LUZP2: variants seen among roughly 807,000 people sequenced by gnomAD.
LUZP2 encodes the protein leucine zipper protein 2.
LUZP2 carries 52 observed loss-of-function variants against 51.6 expected under a neutral mutation model. The ratio of observed to expected loss-of-function variants is 1.01; its 90% confidence interval spans 0.81 to 1.27. The LOEUF (loss-of-function observed/expected upper bound fraction) is 1.27. Ranked by LOEUF, LUZP2 falls within the 50% of genes most tolerant of loss-of-function variation. LUZP2 has a pLI of 0.00. For synonymous variants in LUZP2, 154 were observed against 137.3 expected (o/e 1.12, Z -0.85); for missense variants, 436 against 395.4 (o/e 1.10, Z -0.87).
chr11:24,864,405 C>A (rs1851826575), intron 5 of LUZP2, among the ~76,000 whole-genome samples: 1 of 152,042 alleles, frequency 6.6e-6, no homozygotes, highest in Admixed American at 6.6e-5. Context: ...ATAATTGTGG[C>A]AAAACATTCA....
At chr11:24,799,521 G>A (rs1437737320) in intron 5 of LUZP2, among the ~76,000 whole-genome samples, 2 of 151,802 alleles carry the variant, frequency 1.3e-5, no homozygotes, top group African/African-American at 4.8e-5. Flanking sequence ...AACTTGGGAG[G>A]TGGAGGTTGT....
intron 9 of LUZP2, among the ~76,000 whole-genome samples, chr11:25,010,846 A>AAAT (rs948460006): frequency 6.6e-5 from 10 of 151,920 alleles, no homozygotes; most frequent in African/African-American, 9.7e-5. Flanking sequence ...GATACCATCC[A>AAAT]AATAATAATA....
intron 1 of LUZP2, among the ~76,000 whole-genome samples, chr11:24,581,181 A>G (rs1001568129): frequency 1.6e-4 from 24 of 148,174 alleles, no homozygotes; most frequent in African/African-American, 6.1e-4. Context: ...CCTTGGATGT[A>G]TACCCTTTCA....
intron 5 of LUZP2, among the ~76,000 whole-genome samples, chr11:24,876,686 G>C (rs1487102305): frequency 1.3e-5 from 2 of 152,034 alleles, no homozygotes; most frequent in Non-Finnish European, 1.5e-5. Flanking sequence ...AATTACCTTG[G>C]GCAGTATGGC....
chr11:24,647,526 A>T (rs2133956256), intron 1 of LUZP2, among the ~76,000 whole-genome samples: 1 of 152,090 alleles, frequency 6.6e-6, no homozygotes, highest in African/African-American at 2.4e-5. Context: ...CATGAGAAAT[A>T]GTCTGTTCAA....
intron 5 of LUZP2, among the ~76,000 whole-genome samples, chr11:24,809,006 C>T (rs1849939251): frequency 1.3e-5 from 2 of 152,068 alleles, no homozygotes; most frequent in South Asian, 4.2e-4. Context: ...TAGGTGAAGT[C>T]AGTTCATTTG....
At chr11:24,790,232 G>A (rs1019301628) in intron 5 of LUZP2, among the ~76,000 whole-genome samples, 12 of 151,942 alleles carry the variant, frequency 7.9e-5, no homozygotes, top group African/African-American at 2.9e-4. Context: ...TTGAAATACA[G>A]TATATTTTTA....
chr11:24,913,359 C>T (rs1853696951), intron 6 of LUZP2, among the ~76,000 whole-genome samples: 1 of 152,092 alleles, frequency 6.6e-6, no homozygotes, highest in Non-Finnish European at 1.5e-5. Context: ...ATTCCTTTTT[C>T]ATTGCTCAGC....
At chr11:24,577,994 T>C (rs1852714609) in intron 1 of LUZP2, among the ~76,000 whole-genome samples, 3 of 152,130 alleles carry the variant, frequency 2.0e-5, no homozygotes, top group Admixed American at 1.3e-4. Flanking sequence ...CTGTACTTCT[T>C]TGTTTCTAAG....
chr11:24,874,257 C>T (rs1431105359), intron 5 of LUZP2, among the ~76,000 whole-genome samples: 1 of 152,020 alleles, frequency 6.6e-6, no homozygotes, highest in Non-Finnish European at 1.5e-5. Flanking sequence ...GAAGGTGATT[C>T]GAGGGCCCCT....
At chr11:24,853,910 A>T (rs1291012899) in intron 5 of LUZP2, among the ~76,000 whole-genome samples, 2 of 152,140 alleles carry the variant, frequency 1.3e-5, no homozygotes, top group Non-Finnish European at 2.9e-5. Context: ...TGCTGGAGGC[A>T]CGCTCCAGAG....
At chr11:24,881,214 T>A (rs186339271) in intron 5 of LUZP2, among the ~76,000 whole-genome samples, 1 of 152,266 alleles carries the variant, frequency 6.6e-6, no homozygotes, top group Non-Finnish European at 1.5e-5. Context: ...TGAAATTATG[T>A]TATTTTTAAC....
chr11:24,940,237 G>T (rs1027043369), intron 7 of LUZP2, among the ~76,000 whole-genome samples: 3 of 152,070 alleles, frequency 2.0e-5, no homozygotes, highest in African/African-American at 7.2e-5. Context: ...GCTGCTTAAT[G>T]GAGTGTAAAA....
chr11:24,773,733 C>A (rs1045046962), intron 5 of LUZP2, among the ~76,000 whole-genome samples: 3 of 152,100 alleles, frequency 2.0e-5, no homozygotes, highest in Non-Finnish European at 2.9e-5. Flanking sequence ...AAAATCTCCA[C>A]CTAGGAGTAT....
chr11:24,574,216 CTT>C, intron 1 of LUZP2, among the ~76,000 whole-genome samples: 2 of 81,930 alleles, frequency 2.4e-5, no homozygotes, highest in South Asian at 5.2e-4. Flanking sequence ...TCCTTCCTTT[CTT>C]TCTTTCTTTC....
At chr11:24,775,604 C>T (rs772441445) in intron 5 of LUZP2, among the ~76,000 whole-genome samples, 3 of 152,112 alleles carry the variant, frequency 2.0e-5, no homozygotes, top group Non-Finnish European at 1.5e-5. Context: ...CTTTAATTTT[C>T]ATTTTATTTG....
intron 7 of LUZP2, among the ~76,000 whole-genome samples, chr11:24,938,824 A>T (rs1854663794): frequency 6.6e-6 from 1 of 152,204 alleles, no homozygotes; most frequent in Non-Finnish European, 1.5e-5. Context: ...TGATAACAAT[A>T]CTTAGCTTTA....
chr11:24,506,336 C>T (rs1270229279), intron 1 of LUZP2, among the ~76,000 whole-genome samples: 1 of 151,780 alleles, frequency 6.6e-6, no homozygotes, highest in Non-Finnish European at 1.5e-5. Context: ...AAGCATTGGG[C>T]AGGAAAAGGT....
At chr11:24,935,638 G>C (rs1854565521) in intron 7 of LUZP2, among the ~76,000 whole-genome samples, 1 of 151,956 alleles carries the variant, frequency 6.6e-6, no homozygotes, top group South Asian at 2.1e-4. Flanking sequence ...TGGTAGTATT[G>C]TTCTTCTAAA....
Sources: gnomAD v4.1 joint callset for allele counts (sites outside exome capture counted in the v4.1 genomes callset) on GRCh38, gnomAD v4.1.1 for gene constraint, MANE v1.5 for transcripts, NCBI Gene and HGNC (gene_info 2026-07-23, HGNC 2026-07-21) for gene names.